CNTN4: variants seen among roughly 807,000 people sequenced by gnomAD.
The protein encoded by CNTN4 is contactin-4.
Under a neutral mutation model 122.5 loss-of-function variants are expected in CNTN4, and 77 were observed. The ratio of observed to expected loss-of-function variants is 0.63; its 90% CI spans 0.52 to 0.76. The LOEUF is 0.76. Ranked by LOEUF, CNTN4 falls within the 30% of genes least tolerant of loss-of-function variation. CNTN4 has a pLI of 0.00. For missense variants in CNTN4, 1,256 were observed against 1,259.1 expected, an observed-to-expected ratio of 1.00 and a Z score of 0.04; for synonymous variants, 512 against 447.0, an observed-to-expected ratio of 1.15 and a Z score of -1.83.
chr3:2,934,375 T>C (rs1435299895), intron 13 of CNTN4, among the ~76,000 whole-genome samples: 1 of 152,248 alleles, frequency 6.6e-6, no homozygotes, highest in African/African-American at 2.4e-5. Context: ...AATTGGATCA[T>C]AACCCTAATT....
intron 4 of CNTN4, among the ~76,000 whole-genome samples, chr3:2,711,272 G>A (rs572716115): frequency 2.7e-4 from 41 of 152,296 alleles, no homozygotes; most frequent in African/African-American, 9.9e-4. Flanking sequence ...TTTGGTCAGT[G>A]CCTGGGTAAT....
At chr3:2,287,711 GGAAGAAGAAGAAGAAGAAGAAGAAGAA>G (rs56014308) in intron 2 of CNTN4, among the ~76,000 whole-genome samples, 135 of 65,450 alleles carry the variant, frequency 2.1e-3, no homozygotes, top group African/African-American at 5.9e-3. Flanking sequence ...AAGAAGAAGA[GGAAGAAGAAGAAGAAGAAGAAGAAGAA>G]GAAGAAGAAG....
intron 3 of CNTN4, among the ~76,000 whole-genome samples, chr3:2,497,270 C>G (rs1024613238): frequency 6.6e-6 from 1 of 152,202 alleles, no homozygotes; most frequent in African/African-American, 2.4e-5. Flanking sequence ...TTAATGGACA[C>G]TCTTCCCCTA....
chr3:2,892,277 A>G (rs1269520661), intron 10 of CNTN4: 1 of 152,186 alleles, frequency 6.6e-6, no homozygotes, highest in Non-Finnish European at 1.5e-5. Flanking sequence ...CCAGGGTAGA[A>G]CCAAGCATTT....
chr3:3,042,220 C>G, intron 20 of CNTN4, 90 bp from the exon 21 acceptor site: 1 of 964,656 alleles, frequency 1.0e-6, no homozygotes, highest in East Asian at 2.5e-5. Flanking sequence ...ATTCTATAAC[C>G]ATGAATTATT....
At chr3:2,744,267 C>G (rs2089634921) in intron 5 of CNTN4, among the ~76,000 whole-genome samples, 2 of 152,210 alleles carry the variant, frequency 1.3e-5, no homozygotes, top group African/African-American at 4.8e-5. Context: ...CATCCAAAAT[C>G]TTGAAACTAA....
chr3:2,723,219 T>G (rs1039514342), intron 4 of CNTN4, among the ~76,000 whole-genome samples: 2 of 152,158 alleles, frequency 1.3e-5, no homozygotes, highest in Non-Finnish European at 2.9e-5. Flanking sequence ...TGGTGAGAGC[T>G]CCATCACTGC....
At chr3:2,368,363 C>T (rs2045495762) in intron 3 of CNTN4, among the ~76,000 whole-genome samples, 1 of 152,046 alleles carries the variant, frequency 6.6e-6, no homozygotes, top group Admixed American at 6.6e-5. Flanking sequence ...CATTTCGAGG[C>T]TTCTGTTTGA....
chr3:2,966,420 G>A (rs1692314983), intron 13 of CNTN4, among the ~76,000 whole-genome samples: 1 of 152,028 alleles, frequency 6.6e-6, no homozygotes, highest in Admixed American at 6.5e-5. Context: ...ACATGTAGAA[G>A]CTAAAAATTA....
intron 2 of CNTN4, among the ~76,000 whole-genome samples, chr3:2,230,654 G>T (rs149830973): frequency 0.012 from 1,870 of 152,258 alleles, 21 homozygotes; most frequent in South Asian, 0.03. Flanking sequence ...CCTGTGTCAT[G>T]AATAATAATG....
intron 3 of CNTN4, among the ~76,000 whole-genome samples, chr3:2,449,440 C>G (rs909337040): frequency 6.6e-6 from 1 of 152,008 alleles, no homozygotes; most frequent in African/African-American, 2.4e-5. Flanking sequence ...CATGGCAAAA[C>G]CCCGTCTCTA....
chr3:2,372,334 G>A (rs1206393494), intron 3 of CNTN4, among the ~76,000 whole-genome samples: 1 of 152,296 alleles, frequency 6.6e-6, no homozygotes, highest in East Asian at 1.9e-4. Context: ...TATGAACATC[G>A]TGGCTAGGAA....
chr3:2,789,351 T>C (rs1014024565), intron 6 of CNTN4, among the ~76,000 whole-genome samples: 3 of 152,232 alleles, frequency 2.0e-5, no homozygotes, highest in African/African-American at 4.8e-5. Context: ...GTTTAGTTAT[T>C]ATTATGCACC....
At chr3:2,175,010 G>T (rs1294505013) in intron 2 of CNTN4, among the ~76,000 whole-genome samples, 3 of 152,148 alleles carry the variant, frequency 2.0e-5, no homozygotes, top group African/African-American at 7.2e-5. Flanking sequence ...TTCAACATGA[G>T]ATTTGGGTGG....
intron 2 of CNTN4, among the ~76,000 whole-genome samples, chr3:2,138,691 C>G (rs1236662738): frequency 6.6e-6 from 1 of 152,186 alleles, no homozygotes; most frequent in Non-Finnish European, 1.5e-5. Flanking sequence ...CTCTCCTGCC[C>G]TGGAACTGGT....
At chr3:2,295,139 C>A (rs2042263214) in intron 2 of CNTN4, among the ~76,000 whole-genome samples, 1 of 147,246 alleles carries the variant, frequency 6.8e-6, no homozygotes, top group South Asian at 2.1e-4. Flanking sequence ...AATAAACATA[C>A]ATGGGCTTGT....
chr3:2,323,214 C>A (rs1271888125), intron 2 of CNTN4, among the ~76,000 whole-genome samples: 2 of 152,112 alleles, frequency 1.3e-5, no homozygotes, highest in African/African-American at 4.8e-5. Flanking sequence ...AGGATGAAGT[C>A]TCCTATAGGA....
At chr3:3,008,543 T>A (rs529408759) in intron 14 of CNTN4, among the ~76,000 whole-genome samples, 1 of 152,230 alleles carries the variant, frequency 6.6e-6, no homozygotes, top group Non-Finnish European at 1.5e-5. Context: ...TTTAAGCCTC[T>A]CCTTCAATCG....
chr3:2,406,548 G>A lies in CNTN4; in HGVS notation c.-89+67315G>A, dbSNP rs188641624. Among the ~76,000 whole-genome samples the A allele has an allele frequency of 1.5e-3, 224 of 152,272 alleles. 1 individual carries two copies. The highest frequency in any genetic ancestry group is 3.0e-3 in the Admixed American group (46 of 15,292). ...TGTGGTTATGTAAGGTATGAACCTT[G>A]GAGAAGCTGGGTGAAGAGTGTATGG... On this transcript the variant is annotated intron_variant, in intron 3 of 24. Coordinates refer to ENST00000418658, the MANE Select transcript of CNTN4 (RefSeq NM_175607.3).
Sources: gnomAD v4.1 joint callset for allele counts (sites outside exome capture counted in the v4.1 genomes callset) on GRCh38, gnomAD v4.1.1 for gene constraint, MANE v1.5 for transcripts, NCBI Gene and HGNC (gene_info 2026-07-23, HGNC 2026-07-21) for gene names.